Variants in RANBP2 observed in about 807,000 individuals in gnomAD.
RANBP2 encodes the protein RAN binding protein 2.
A neutral mutation model predicts 303.6 loss-of-function variants in RANBP2; 57 were observed. The ratio of observed to expected loss-of-function variants is 0.19; its 90% CI spans 0.15 to 0.23. The LOEUF is 0.23. Among genes scored for constraint, RANBP2 ranks in the 10% least tolerant of loss-of-function variants. The probability of loss-of-function intolerance (pLI) is 1.00; values close to 1 mark genes in which losing one functional copy is unlikely to be tolerated. For synonymous variants in RANBP2, 1,167 were observed against 1,301.5 expected (o/e 0.90, Z 2.23); for missense variants, 3,138 against 3,780.8 (o/e 0.83, Z 4.46).
At chr2:108,806,840 A>G in the RANBP2 span, among the ~76,000 whole-genome samples, 2 of 152,224 alleles carry the variant, frequency 1.3e-5, no homozygotes, top group Non-Finnish European at 2.9e-5. Flanking sequence ...AAGTCTAGCC[A>G]AGCTGAGGAG....
At chr2:108,931,239 C>A in the RANBP2 span, among the ~76,000 whole-genome samples, 1 of 152,226 alleles carries the variant, frequency 6.6e-6, no homozygotes, top group Non-Finnish European at 1.5e-5. Flanking sequence ...CGCAGCCATG[C>A]CTGGGAGGGA....
At chr2:109,181,110 G>C in the RANBP2 span, among the ~76,000 whole-genome samples, 1 of 152,348 alleles carries the variant, frequency 6.6e-6, no homozygotes, top group East Asian at 1.9e-4. Flanking sequence ...GTGGTGAGGA[G>C]AAGTGATGGC....
At chr2:109,354,498 T>C in the RANBP2 span, among the ~76,000 whole-genome samples, 1 of 152,222 alleles carries the variant, frequency 6.6e-6, no homozygotes, top group South Asian at 2.1e-4. Flanking sequence ...TTCCACACAG[T>C]TGACTTAGGA....
the RANBP2 span, among the ~76,000 whole-genome samples, chr2:109,334,553 C>G: frequency 6.6e-6 from 1 of 152,088 alleles, no homozygotes; most frequent in Non-Finnish European, 1.5e-5. Flanking sequence ...CAGGGGAACC[C>G]TCACCCGCTC....
At chr2:108,869,062 A>G in the RANBP2 span, among the ~76,000 whole-genome samples, 2 of 151,722 alleles carry the variant, frequency 1.3e-5, no homozygotes, top group African/African-American at 4.8e-5. Context: ...TTTTTTTTTC[A>G]TAATATTGTA....
chr2:109,233,289 T>C, the RANBP2 span, among the ~76,000 whole-genome samples: 1 of 151,958 alleles, frequency 6.6e-6, no homozygotes, highest in South Asian at 2.1e-4. Context: ...TTGTATTGAG[T>C]GATGGAGGTG....
the RANBP2 span, among the ~76,000 whole-genome samples, chr2:109,591,823 G>A: frequency 6.6e-6 from 1 of 152,002 alleles, no homozygotes; most frequent in Non-Finnish European, 1.5e-5. Flanking sequence ...GCTTGAACCT[G>A]GGAGGTGTAG....
the RANBP2 span, among the ~76,000 whole-genome samples, chr2:109,312,630 A>G: frequency 6.6e-6 from 1 of 152,190 alleles, no homozygotes; most frequent in South Asian, 2.1e-4. Context: ...CATCCGATAC[A>G]TGGCCCTTTG....
chr2:109,287,943 A>G, the RANBP2 span, among the ~76,000 whole-genome samples: 3 of 152,252 alleles, frequency 2.0e-5, no homozygotes, highest in African/African-American at 7.2e-5. Context: ...GCCTGTTCAA[A>G]TAAGCAAGCC....
At chr2:109,320,673 G>A in the RANBP2 span, among the ~76,000 whole-genome samples, 1 of 152,200 alleles carries the variant, frequency 6.6e-6, no homozygotes, top group African/African-American at 2.4e-5. Context: ...TGTTGTTCTT[G>A]TAAAATTACT....
chr2:109,377,301 G>C, the RANBP2 span, among the ~76,000 whole-genome samples: 1 of 152,216 alleles, frequency 6.6e-6, no homozygotes, highest in Non-Finnish European at 1.5e-5. Context: ...GCTGGAGCAC[G>C]TGGTGAGCAA....
At chr2:109,084,479 C>A in the RANBP2 span, among the ~76,000 whole-genome samples, 30,886 of 152,178 alleles carry the variant, frequency 0.2, 3,933 homozygotes, top group Middle Eastern at 0.3. Flanking sequence ...CTGAGGAGCC[C>A]TCCCCTAGTC....
chr2:109,262,587 G>T, the RANBP2 span, among the ~76,000 whole-genome samples: 1 of 152,192 alleles, frequency 6.6e-6, no homozygotes, highest in African/African-American at 2.4e-5. Flanking sequence ...TTCTTTTAAA[G>T]AAGCTGAGAA....
At chr2:109,682,665 T>C in the RANBP2 span, among the ~76,000 whole-genome samples, 111,469 of 152,114 alleles carry the variant, frequency 0.73, 42,047 homozygotes, top group Non-Finnish European at 0.83. Flanking sequence ...CATAGTAAGG[T>C]GTGATGGCTC....
At chr2:109,691,685 A>C in the RANBP2 span, among the ~76,000 whole-genome samples, 2 of 152,092 alleles carry the variant, frequency 1.3e-5, no homozygotes, top group African/African-American at 2.4e-5. Flanking sequence ...CCAGAACACA[A>C]ATCTATAGAG....
At chr2:109,590,263 C>T in the RANBP2 span, among the ~76,000 whole-genome samples, 1 of 151,934 alleles carries the variant, frequency 6.6e-6, no homozygotes, top group African/African-American at 2.4e-5. Flanking sequence ...TGGTCGCTAA[C>T]ACCGATGCCC....
chr2:109,158,893 A>G, the RANBP2 span, among the ~76,000 whole-genome samples: 1 of 152,226 alleles, frequency 6.6e-6, no homozygotes, highest in South Asian at 2.1e-4. Context: ...AGGCGGGTGG[A>G]TCACCTGAGG....
chr2:108,824,099 C>CGA, the RANBP2 span, among the ~76,000 whole-genome samples: 2 of 152,034 alleles, frequency 1.3e-5, no homozygotes, highest in Non-Finnish European at 2.9e-5. Flanking sequence ...GTGTGAAAGT[C>CGA]TAAGACATGC....
chr2:109,578,904 C>G, the RANBP2 span, among the ~76,000 whole-genome samples: 4 of 151,594 alleles, frequency 2.6e-5, no homozygotes, highest in Non-Finnish European at 4.4e-5. Context: ...GAAATTGGAA[C>G]AAAACTCCAA....
Sources: gnomAD v4.1 joint callset for allele counts (sites outside exome capture counted in the v4.1 genomes callset) on GRCh38, gnomAD v4.1.1 for gene constraint, MANE v1.5 for transcripts, NCBI Gene and HGNC (gene_info 2026-07-23, HGNC 2026-07-21) for gene names.